RBFOX1: variants seen among roughly 807,000 people sequenced by gnomAD.
The protein encoded by RBFOX1 is RNA binding fox-1 homolog 1.
In RBFOX1, 8 loss-of-function variants were observed where a neutral mutation model predicts 57.7. The observed-to-expected ratio is 0.14, with a 90% CI of 0.08 to 0.25. The LOEUF is 0.25. Among genes scored for constraint, RBFOX1 ranks in the 10% least tolerant of loss-of-function variants. The pLI is 1.00. For missense variants in RBFOX1, 611 were observed against 548.5 expected (o/e 1.11, Z -1.14); for synonymous variants, 326 against 222.4 (o/e 1.47, Z -4.15).
At chr16:5,858,078 TTGTC>T (rs1437068233) in intron 3 of RBFOX1, among the ~76,000 whole-genome samples, 2 of 152,198 alleles carry the variant, frequency 1.3e-5, no homozygotes, top group East Asian at 1.9e-4. Context: ...TTAAGGATCT[TTGTC>T]TGTATTTCCA....
At chr16:7,435,952 C>T (rs969052173) in intron 4 of RBFOX1, among the ~76,000 whole-genome samples, 4 of 152,172 alleles carry the variant, frequency 2.6e-5, no homozygotes, top group African/African-American at 7.2e-5. Flanking sequence ...TACTGCAGCA[C>T]GTCATTCCTT....
At chr16:6,318,282 C>T (rs1439144965) in intron 2 of RBFOX1, among the ~76,000 whole-genome samples, 6 of 152,200 alleles carry the variant, frequency 3.9e-5, no homozygotes, top group Non-Finnish European at 8.8e-5. Flanking sequence ...GTCTAATTCC[C>T]TACGTGCCAC....
intron 4 of RBFOX1, among the ~76,000 whole-genome samples, chr16:7,417,570 C>G (rs1264607331): frequency 7.7e-6 from 1 of 130,278 alleles, no homozygotes; most frequent in Non-Finnish European, 1.6e-5. Context: ...GTTCACTTCT[C>G]TGCAATGTCT....
intron 3 of RBFOX1, among the ~76,000 whole-genome samples, chr16:6,799,936 C>T (rs887885733): frequency 3.3e-5 from 5 of 152,066 alleles, no homozygotes; most frequent in Admixed American, 6.6e-5. Context: ...AGTGAGACTT[C>T]GTCTTGTGAT....
chr16:6,120,022 A>G (rs2096537008), intron 1 of RBFOX1, among the ~76,000 whole-genome samples: 1 of 152,166 alleles, frequency 6.6e-6, no homozygotes, highest in Non-Finnish European at 1.5e-5. Flanking sequence ...ATTTTGTGTA[A>G]ACAGAATCAT....
In RBFOX1 at chr16:6,669,881, A is replaced by C. The variant is rs377732037; in HGVS notation, c.-16+15231A>C. Among the ~76,000 whole-genome samples, 17 of 152,328 alleles carry C rather than the reference A, an allele frequency of 1.1e-4. No individual in the cohort carries two copies. The East Asian group carries it at 2.1e-3, about 19-fold the overall frequency. On this transcript the variant is annotated intron_variant, in intron 3 of 15. Coordinates refer to ENST00000550418, the MANE Select transcript of RBFOX1 (RefSeq NM_018723.4). Reference sequence around the variant, plus strand: ...TGATGGAGCCAGGGAGGTAGACGGCACTTATCATCCTAAGTAACCGACCCA... The same window carrying C: ...TGATGGAGCCAGGGAGGTAGACGGCCCTTATCATCCTAAGTAACCGACCCA...
chr16:7,119,963 T>C (rs1245277164), intron 4 of RBFOX1, among the ~76,000 whole-genome samples: 1 of 152,038 alleles, frequency 6.6e-6, no homozygotes. Flanking sequence ...TATAAAAAAC[T>C]TAACAAATTT....
At chr16:7,612,705 A>C (rs12923795) in intron 10 of RBFOX1, among the ~76,000 whole-genome samples, 61,402 of 151,958 alleles carry the variant, frequency 0.4, 14,643 homozygotes, top group Non-Finnish European at 0.52. Context: ...TTTAATCTTC[A>C]TGAATAAGTA....
Position 5,566,849 on chromosome 16 carries a change from T to A in RBFOX1, c.259-32053T>A, listed in dbSNP as rs528074234. On this transcript the variant is annotated intron_variant, in intron 2 of 2. Coordinates refer to the RBFOX1 transcript ENST00000585867. ...CGCATCGACTCACTCCCTTGTTGTG[T>A]ATTTAATCAAATAGCCCATAATAAA... Among the ~76,000 whole-genome samples, 16 of 152,256 alleles carry A rather than the reference T, an allele frequency of 1.1e-4. No homozygotes were observed. In the East Asian group the frequency reaches 2.3e-3, roughly 22 times the overall value.
At chr16:7,364,254 C>A (rs761497726) in intron 4 of RBFOX1, among the ~76,000 whole-genome samples, 1 of 152,124 alleles carries the variant, frequency 6.6e-6, no homozygotes, top group Non-Finnish European at 1.5e-5. Flanking sequence ...AAGCACTTGG[C>A]TGCCAGGAAA....
At chr16:5,936,820 G>A (rs578249830) in intron 4 of RBFOX1, among the ~76,000 whole-genome samples, 51 of 152,252 alleles carry the variant, frequency 3.3e-4, no homozygotes, top group African/African-American at 1.0e-3. Flanking sequence ...AGACAAGAGC[G>A]GCAAAGCAGA....
intron 2 of RBFOX1, among the ~76,000 whole-genome samples, chr16:6,395,548 T>C (rs1470411861): frequency 2.7e-5 from 4 of 149,822 alleles, no homozygotes; most frequent in African/African-American, 1.0e-4. Context: ...TAATTAGCTC[T>C]GTAATGAGCT....
intron 2 of RBFOX1, among the ~76,000 whole-genome samples, chr16:6,517,108 C>T (rs1022883949): frequency 5.9e-5 from 9 of 152,082 alleles, no homozygotes; most frequent in East Asian, 5.8e-4. Flanking sequence ...GGATGACTGG[C>T]TTGTTGTGGG....
chr16:6,754,074 GA>G (rs2075395392), intron 3 of RBFOX1, among the ~76,000 whole-genome samples: 1 of 152,076 alleles, frequency 6.6e-6, no homozygotes, highest in Non-Finnish European at 1.5e-5. Context: ...AAAAAATAAA[GA>G]CACCCATAAT....
intron 3 of RBFOX1, among the ~76,000 whole-genome samples, chr16:5,640,642 C>T (rs1284671990): frequency 1.3e-5 from 2 of 151,650 alleles, no homozygotes; most frequent in African/African-American, 4.9e-5. Flanking sequence ...TACACACAAA[C>T]ACATGCACAG....
chr16:7,366,259 ATGT>A (rs1239369572), intron 4 of RBFOX1, among the ~76,000 whole-genome samples: 1 of 152,180 alleles, frequency 6.6e-6, no homozygotes, highest in Non-Finnish European at 1.5e-5. Flanking sequence ...TGTAAATCCG[ATGT>A]TGTTTCCAGC....
intron 2 of RBFOX1, among the ~76,000 whole-genome samples, chr16:6,638,864 A>T (rs1475255702): frequency 5.9e-5 from 9 of 152,146 alleles, no homozygotes; most frequent in Admixed American, 2.0e-4. Flanking sequence ...GCATTCCTGA[A>T]ATAAAGAGTT....
intron 1 of RBFOX1, among the ~76,000 whole-genome samples, chr16:5,382,025 C>T (rs563760691): frequency 2.0e-4 from 31 of 152,296 alleles, no homozygotes; most frequent in Admixed American, 1.0e-3. Flanking sequence ...CTGGGACAAC[C>T]GAAAATGTCT....
chr16:5,311,549 C>T (rs2064089664), intron 1 of RBFOX1, among the ~76,000 whole-genome samples: 1 of 152,202 alleles, frequency 6.6e-6, no homozygotes. Context: ...TCACCACATC[C>T]ATGCCAACAT....
Sources: gnomAD v4.1 joint callset for allele counts (sites outside exome capture counted in the v4.1 genomes callset) on GRCh38, gnomAD v4.1.1 for gene constraint, MANE v1.5 for transcripts, NCBI Gene and HGNC (gene_info 2026-07-23, HGNC 2026-07-21) for gene names.